Variants in FAT1 observed in about 807,000 individuals in gnomAD.
The protein encoded by FAT1 is protocadherin Fat 1.
In FAT1, 171 loss-of-function variants were observed where a neutral mutation model predicts 329.8. The ratio of observed to expected loss-of-function variants is 0.52; its 90% CI spans 0.46 to 0.59. The LOEUF (loss-of-function observed/expected upper bound fraction) is 0.59. Ranked by LOEUF, FAT1 falls within the 20% of genes least tolerant of loss-of-function variation. The probability of loss-of-function intolerance (pLI) is 0.00; values close to 1 mark genes in which losing one functional copy is unlikely to be tolerated. For missense variants in FAT1, 5,672 were observed against 5,774.4 expected (o/e 0.98, Z 0.57); for synonymous variants, 2,233 against 2,228.6 (o/e 1.00, Z -0.06).
chr4:186,720,146 A>G (rs1050766839), intron 1 of FAT1, among the ~76,000 whole-genome samples: 6 of 152,230 alleles, frequency 3.9e-5, no homozygotes, highest in Admixed American at 6.5e-5. Flanking sequence ...CCTAGTGGTG[A>G]AGGCTCTAAA....
chr4:186,629,436 G>A (rs910684429), intron 7 of FAT1, among the ~76,000 whole-genome samples: 1 of 152,110 alleles, frequency 6.6e-6, no homozygotes, highest in African/African-American at 2.4e-5. Context: ...AAAAGCAAAT[G>A]TTAAGAAACT....
At chr4:186,621,853 A>G (rs896410467) in intron 9 of FAT1, 78 bp from the exon 10 acceptor site, 27 of 858,572 alleles carry the variant, frequency 3.1e-5, no homozygotes, top group Non-Finnish European at 4.4e-5. Flanking sequence ...AACAGAAACA[A>G]AGTATCCTTA....
chr4:186,597,179 G>A lies in FAT1; in HGVS notation c.12369-8C>T, dbSNP rs772269631. ...TCGATATCACTCTGACACCTGCCAA[G>A]GAAGTCAGGAATGAGGAGAGACCTC... On this transcript the variant is annotated splice_polypyrimidine_tract_variant and splice_region_variant and intron_variant, in intron 24 of 26. Coordinates refer to ENST00000441802, the MANE Select transcript of FAT1 (RefSeq NM_005245.4). The A allele has an allele frequency of 7.0e-5, 111 of 1,589,846 alleles. No individual in the cohort carries two copies. The highest frequency in any genetic ancestry group is 2.3e-4 in the Admixed American group (13 of 57,594).
At chr4:186,590,575 T>C (rs887809864) in intron 26 of FAT1, 1 of 460,620 alleles carries the variant, frequency 2.2e-6, no homozygotes, top group African/African-American at 2.0e-5. Flanking sequence ...CTGAGAAATG[T>C]ATGTACCACA....
rs115905238 is a variant in FAT1 at position 186,659,092 on chromosome 4, A to G, written c.3580+4207T>C. On this transcript the variant is annotated intron_variant, in intron 3 of 26. Coordinates refer to ENST00000441802, the MANE Select transcript of FAT1 (RefSeq NM_005245.4). ...CACATTTTTACTGCACCTTTTCTAC[A>G]TTTAGCTATGTTTGGATACACAAAT... Among the ~76,000 whole-genome samples, 1,336 of 152,242 alleles carry G rather than the reference A, an allele frequency of 8.8e-3. 23 individuals are homozygous for G. The highest frequency in any genetic ancestry group is 0.031 in the African/African-American group (1,285 of 41,538).
intron 26 of FAT1, chr4:186,592,824 G>A (rs1348591638): frequency 4.4e-5 from 20 of 454,886 alleles, no homozygotes; most frequent in South Asian, 1.4e-4. Context: ...ATGAAATAAA[G>A]TTTTGTATTA....
At chr4:186,597,289 C>A in intron 24 of FAT1, 118 bp from the exon 25 acceptor site, 1 of 1,168,904 alleles carries the variant, frequency 8.6e-7, no homozygotes. Flanking sequence ...AAGATCAAAC[C>A]CAGATAAAAG....
chr4:186,723,271 C>A (rs932527148), intron 1 of FAT1, among the ~76,000 whole-genome samples: 2 of 152,254 alleles, frequency 1.3e-5, no homozygotes, highest in African/African-American at 4.8e-5. Flanking sequence ...AGGGACCCGG[C>A]AGCCCCGCGC....
chr4:186,703,563 G>A (rs544444028), intron 2 of FAT1, among the ~76,000 whole-genome samples: 2 of 152,356 alleles, frequency 1.3e-5, no homozygotes, highest in Admixed American at 1.3e-4. Context: ...GAAGCAAACA[G>A]TTACGTGGAC....
At chr4:186,654,123 A>C (rs1234083780) in intron 3 of FAT1, among the ~76,000 whole-genome samples, 1 of 152,240 alleles carries the variant, frequency 6.6e-6, no homozygotes, top group Non-Finnish European at 1.5e-5. Context: ...AGCGGCAGCC[A>C]GGAAATTCAC....
chr4:186,712,796 A>C (rs1336781224), intron 1 of FAT1, among the ~76,000 whole-genome samples: 3 of 103,380 alleles, frequency 2.9e-5, no homozygotes, highest in Non-Finnish European at 5.8e-5. Flanking sequence ...CTCATCACCC[A>C]GCTGTGATGA....
rs2126521591 is a variant in FAT1 at position 186,621,041 on chromosome 4, C to A, written c.5545G>T (p.Val1849Leu). The A allele has an allele frequency of 1.2e-6, 2 of 1,612,816 alleles. No individual in the cohort carries two copies. Among genetic ancestry groups the A allele is most frequent in the Non-Finnish European group, 1.7e-6 (2 of 1,179,880 alleles). ...ETSIFHFTVQVHDMGTPRLFA... is the reference protein window; with the variant it reads ...ETSIFHFTVQLHDMGTPRLFA... ...AAACGTGGGGTTCCCATGTCATGCA[C>A]TTGGACGGTAAAGTGAAAAATACTT... Residue 1849 changes from valine (V) to leucine (L), a missense_variant, in exon 10 of 27, where the codon GTG becomes TTG. Around this residue, in one of 2 missense-constraint regions of FAT1, gnomAD observed 3,966 missense variants for 3,915.2 expected, o/e 1.01. Coordinates refer to ENST00000441802, the MANE Select transcript of FAT1 (RefSeq NM_005245.4).
intron 7 of FAT1, among the ~76,000 whole-genome samples, chr4:186,633,438 G>T (rs1740681050): frequency 2.6e-5 from 4 of 152,114 alleles, no homozygotes; most frequent in Non-Finnish European, 4.4e-5. Context: ...TATAACGTTG[G>T]TTTGGTTTGG....
intron 2 of FAT1, among the ~76,000 whole-genome samples, chr4:186,704,748 A>C (rs577167798): frequency 1.3e-5 from 2 of 152,068 alleles, no homozygotes; most frequent in Non-Finnish European, 2.9e-5. Context: ...AAGACATTCT[A>C]CTCTTCAGAG....
intron 2 of FAT1, among the ~76,000 whole-genome samples, chr4:186,673,029 A>G (rs1742803304): frequency 6.6e-6 from 1 of 152,234 alleles, no homozygotes; most frequent in South Asian, 2.1e-4. Context: ...ATGCATATTA[A>G]TTACACAGAA....
In FAT1 at chr4:186,589,238, C is replaced by G. The variant is rs757610903; in HGVS notation, c.13139-18G>C. On this transcript the variant is annotated intron_variant, in intron 26 of 26. Transcript: ENST00000441802. The stretch of plus-strand genomic sequence containing the variant: ...GTGATACCCTTGGTGGAAAAGAAAA[C>G]AGATGTCAGTGTGTTTTCTCCTAAG... The G allele has an allele frequency of 1.2e-5, 19 of 1,582,736 alleles. No homozygotes were observed.
At chr4:186,591,409 G>A (rs1169575879) in intron 26 of FAT1, among the ~76,000 whole-genome samples, 2 of 152,186 alleles carry the variant, frequency 1.3e-5, no homozygotes, top group Non-Finnish European at 2.9e-5. Context: ...CGGCATTTAG[G>A]TAACATGTAT....
At chr4:186,643,729 C>T (rs1007290513) in intron 3 of FAT1, among the ~76,000 whole-genome samples, 5 of 152,024 alleles carry the variant, frequency 3.3e-5, no homozygotes, top group Non-Finnish European at 5.9e-5. Context: ...GACAATCTAC[C>T]GAGTGTGTTC....
rs778989868 is a variant in FAT1, at chr4:186,606,041, C to T, written c.10350+29G>A. 3.1e-6 allele frequency: 5 copies of T among 1,606,200 alleles called. No individual in the cohort carries two copies. The East Asian group carries it at 1.1e-4, about 36-fold the overall frequency. On this transcript the variant is annotated intron_variant, in intron 17 of 26. Coordinates refer to ENST00000441802, the MANE Select transcript of FAT1 (RefSeq NM_005245.4). Reference sequence around the variant, plus strand: ...ATGGAAAAGCTCATTTCAAAGAACCCCAGGACCACCTTGGCACTCGAAGCC... The same window carrying T: ...ATGGAAAAGCTCATTTCAAAGAACCTCAGGACCACCTTGGCACTCGAAGCC...
Sources: allele counts gnomAD v4.1 joint callset (sites outside exome capture counted in the v4.1 genomes callset), GRCh38; gene constraint gnomAD v4.1.1; regional missense constraint gnomAD v4.1.1; transcripts MANE v1.5; gene names NCBI Gene and HGNC (gene_info 2026-07-23, HGNC 2026-07-21).